The following DBNL variants were observed in gnomAD, a reference collection of about 807,000 sequenced individuals.
The protein encoded by DBNL is drebrin-like protein.
A neutral mutation model predicts 62.2 loss-of-function variants in DBNL; 35 were observed. The ratio of observed to expected loss-of-function variants is 0.56; its 90% CI spans 0.43 to 0.75. DBNL has a LOEUF of 0.75. DBNL is among the 30% of genes least tolerant of loss of function. The pLI is 0.00. For synonymous variants in DBNL, 197 were observed against 218.0 expected, an observed-to-expected ratio of 0.90 and a Z score of 0.85; for missense variants, 495 against 578.4, an observed-to-expected ratio of 0.86 and a Z score of 1.48.
intron 2 of DBNL, chr7:44,050,792 C>G (rs1023561586): frequency 6.5e-6 from 1 of 153,676 alleles, no homozygotes; most frequent in Non-Finnish European, 1.4e-5. Flanking sequence ...GGGTAGGCTT[C>G]GTCAGAGTGT....
chr7:44,048,346 C>A (rs1484464255), intron 1 of DBNL, among the ~76,000 whole-genome samples: 1 of 152,206 alleles, frequency 6.6e-6, no homozygotes, highest in Non-Finnish European at 1.5e-5. Context: ...CCAGGGAGTT[C>A]CCCCCAGCTC....
In DBNL at chr7:44,056,913, G is replaced by T. The variant is rs769127784; in HGVS notation, c.474+10G>T. ...ACCCCAGGCCCCAGTGGTGAGTGCT[G>T]CTTGCCCATCGCCAGCCCTTTTGTT... On this transcript the variant is annotated intron_variant, in intron 5 of 12. Transcript: ENST00000448521. The T allele has an allele frequency of 5.0e-6, 8 of 1,613,384 alleles. No individual in the cohort carries two copies. The highest frequency in any genetic ancestry group is 1.7e-4 in the Middle Eastern group (1 of 5,808).
At chr7:44,057,705 C>T (rs892572501) in intron 5 of DBNL, 77 bp from the exon 6 acceptor site, 87 of 1,543,280 alleles carry the variant, frequency 5.6e-5, no homozygotes, top group Non-Finnish European at 7.1e-5. Flanking sequence ...GCAAGTTTAG[C>T]GTATTCTCTC....
rs2096154899 is a variant in DBNL, at chr7:44,064,297, T to C, written c.*3381T>C. The C allele has an allele frequency of 1.6e-5, 3 of 183,564 alleles. No individual in the cohort carries two copies. The highest frequency in any genetic ancestry group is 1.6e-4 in the Admixed American group (3 of 18,546). 11.4% of individuals were successfully genotyped at this position (183,564 alleles called of 1,614,324 possible). The stretch of plus-strand genomic sequence containing the variant: ...CATAGTCCTGCACCCCTCTTTTGAT[T>C]GGTCTTTCCTTTGCCCAGAGAGGGG... On this transcript the variant is annotated 3_prime_UTR_variant, in exon 13 of 13. Transcript: ENST00000448521.
intron 1 of DBNL, chr7:44,049,904 G>A (rs1387122824): frequency 6.1e-5 from 18 of 296,366 alleles, no homozygotes. Flanking sequence ...TGAATGTATA[G>A]CAGTCATTGG....
In DBNL at chr7:44,065,471, T is replaced by G. The variant is rs1336837510; in HGVS notation, c.*4555T>G. 11 of 1,614,108 alleles carry G rather than the reference T, an allele frequency of 6.8e-6. No homozygotes were observed. The highest frequency in any genetic ancestry group is 9.3e-6 in the Non-Finnish European group (11 of 1,180,028). ...TGCATCGAACCAGCCACAGAAACGG[T>G]TCTCCTGGTTCCATGTGCTCTCGCC... On this transcript the variant is annotated 3_prime_UTR_variant, in exon 13 of 13. Transcript: ENST00000448521.
In DBNL at chr7:44,065,521, AGTGGCCAT is replaced by A. The variant is rs774862681; in HGVS notation, c.*4607_*4614del. On this transcript the variant is annotated 3_prime_UTR_variant, in exon 13 of 13. Coordinates refer to ENST00000448521, the MANE Select transcript of DBNL (RefSeq NM_001014436.3). ...CGTGCCGGACCATCACGAGGCGGTG[AGTGGCCAT>A]GGTGGCAGCAGGGACCACAGAGGAC... is the stretch of plus-strand genomic sequence containing the variant. 23 of 1,613,802 alleles carry A rather than the reference AGTGGCCAT, an allele frequency of 1.4e-5. No homozygotes were observed. The highest frequency in any genetic ancestry group is 1.9e-5 in the Non-Finnish European group (23 of 1,179,990).
Position 44,061,770 on chromosome 7 carries a change from G to C in DBNL, c.*854G>C, listed in dbSNP as rs1377856759. ...GCTCTCACCTGTCCTGCTGTAGCCT[G>C]AATGCTCCCATGTGGGAATAGCACC... On this transcript the variant is annotated 3_prime_UTR_variant, in exon 13 of 13. Transcript: ENST00000448521. The C allele has an allele frequency of 1.3e-5, 2 of 152,388 alleles. No homozygotes were observed. The highest frequency in any genetic ancestry group is 2.9e-5 in the Non-Finnish European group (2 of 68,172). The allele number at this position is 152,388 out of a possible 1,614,324, so 9.4% of individuals were successfully genotyped here. A position where few individuals can be genotyped will look rare whatever the true frequency, so the allele number is the denominator to read the frequency against.
In DBNL at chr7:44,065,346, G is replaced by A. The variant is rs922606034; in HGVS notation, c.*4430G>A. ...ATGGCCCAGAGGGTGCGGATGGCCCGCTTCAGCACTGACGTGTAGCAGATG... is the reference window on the plus strand; with the variant it reads ...ATGGCCCAGAGGGTGCGGATGGCCCACTTCAGCACTGACGTGTAGCAGATG... On this transcript the variant is annotated 3_prime_UTR_variant, in exon 13 of 13. Coordinates refer to ENST00000448521, the MANE Select transcript of DBNL (RefSeq NM_001014436.3). 7.4e-6 allele frequency: 12 copies of A among 1,613,736 alleles called. No homozygotes were observed. The highest frequency in any genetic ancestry group is 1.7e-5 in the Admixed American group (1 of 60,026).
chr7:44,049,937 C>T (rs2096123639), intron 1 of DBNL: 1 of 361,666 alleles, frequency 2.8e-6, no homozygotes, highest in Non-Finnish European at 5.3e-6. Context: ...CTCATGTTTT[C>T]CTCATAGTAG....
intron 6 of DBNL, 84 bp downstream of exon 6, chr7:44,057,943 A>C: frequency 1.2e-5 from 19 of 1,585,362 alleles, no homozygotes; most frequent in Non-Finnish European, 1.6e-5. Flanking sequence ...GAGCTCATGC[A>C]GCATCCACTC....
chr7:44,066,165 C>T lies in DBNL; in HGVS notation c.*5249C>T, dbSNP rs781142769. 8.2e-5 allele frequency: 14 copies of T among 170,450 alleles called. No individual in the cohort carries two copies. The highest frequency in any genetic ancestry group is 1.6e-4 in the Admixed American group (3 of 18,518). 10.6% of individuals were successfully genotyped at this position (170,450 alleles called of 1,614,324 possible). A position where few individuals can be genotyped will look rare whatever the true frequency, so the allele number is the denominator to read the frequency against. ...GGGGAAAGGGCCCCTGTCTTTCCTC[C>T]GGGGTCCCTTTGTCAAGGTCTCATC... On this transcript the variant is annotated 3_prime_UTR_variant, in exon 13 of 13. Coordinates refer to ENST00000448521, the MANE Select transcript of DBNL (RefSeq NM_001014436.3).
chr7:44,065,023 C>G lies in DBNL; in HGVS notation c.*4107C>G. 1.2e-6 allele frequency: 2 copies of G among 1,606,680 alleles called. No individual in the cohort carries two copies. Among genetic ancestry groups the G allele is most frequent in the Non-Finnish European group, 1.7e-6 (2 of 1,179,540 alleles). On this transcript the variant is annotated 3_prime_UTR_variant, in exon 13 of 13. Coordinates refer to ENST00000448521, the MANE Select transcript of DBNL (RefSeq NM_001014436.3). The stretch of plus-strand genomic sequence containing the variant: ...TGCGTACCGACGCTCCTGGGGGACA[C>G]AGGCACGCTGCTTTCCCTCCCAAGC...
rs1186778726 is a variant in DBNL at position 44,063,906 on chromosome 7, GCAGGTGGTC to G, written c.*2992_*3000del. On this transcript the variant is annotated 3_prime_UTR_variant, in exon 13 of 13. Transcript: ENST00000448521. ...ATGAAGTCTCCGGAAGGGAGAGGAGGCAGGTGGTCCTTCCCTCTGCCTGGCCCCAGTGCC... is the reference window on the plus strand; with the variant it reads ...ATGAAGTCTCCGGAAGGGAGAGGAGGCTTCCCTCTGCCTGGCCCCAGTGCC... The G allele has an allele frequency of 6.6e-6, 1 of 152,372 alleles. No homozygotes were observed. Among genetic ancestry groups the G allele is most frequent in the East Asian group, 1.9e-4 (1 of 5,192 alleles). 9.4% of individuals were successfully genotyped at this position (152,372 alleles called of 1,614,324 possible).
At position 44,059,696 on chromosome 7, in the gene DBNL, T is replaced by A; in HGVS notation, c.1047+38T>A. On this transcript the variant is annotated intron_variant, in intron 11 of 12. Coordinates refer to ENST00000448521, the MANE Select transcript of DBNL (RefSeq NM_001014436.3). This position sits in a 1 kb window ranked among gnomAD's most constrained non-coding sequence, Gnocchi z 4.1. ...ACTGGGGCTGGGGCCAGGAAGGGGCTGCATACTCAGGAACACTTATCACGG... is the reference window on the plus strand; with the variant it reads ...ACTGGGGCTGGGGCCAGGAAGGGGCAGCATACTCAGGAACACTTATCACGG... 1 of 1,547,430 alleles carries A rather than the reference T, an allele frequency of 6.5e-7. No homozygotes were observed. Among genetic ancestry groups the A allele is most frequent in the Non-Finnish European group, 8.7e-7 (1 of 1,149,672 alleles).
chr7:44,059,462 T>TCAC lies in DBNL; in HGVS notation c.931+15_931+17dup. 6.2e-7 allele frequency: 1 copy of TCAC among 1,613,872 alleles called. No homozygotes were observed. ...AGGCCCAGGGCAGGCAAGGCGCTTGTCACCCCATGGGGACCCTGGGGGACA... is the reference window on the plus strand; with the variant it reads ...AGGCCCAGGGCAGGCAAGGCGCTTGTCACCACCCCATGGGGACCCTGGGGGACA... On this transcript the variant is annotated intron_variant, in intron 10 of 12. Transcript: ENST00000448521. The surrounding 1 kb of genome is among the most constrained non-coding windows in gnomAD (Gnocchi z 4.1).
Position 44,050,238 on chromosome 7 carries a change from T to C in DBNL, c.97T>C (p.Tyr33His). ...KSPTDWALFT[Y>H]EGNSNDIRVA... ...GTTTCGTTTCAGGGCTCTCTTTACC[T>C]ATGAAGGCAACAGCAATGACATCCG... Residue 33 changes from tyrosine to histidine, a missense_variant, in exon 2 of 13, where the codon TAT (tyrosine) becomes CAT (histidine). Coordinates refer to ENST00000448521, the MANE Select transcript of DBNL (RefSeq NM_001014436.3). 6.2e-7 allele frequency: 1 copy of C among 1,613,724 alleles called. No homozygotes were observed. The highest frequency in any genetic ancestry group is 8.5e-7 in the Non-Finnish European group (1 of 1,179,698).
rs150235677 is a variant in DBNL, at chr7:44,064,926, C to G, written c.*4010C>G. ...TGATCTGGGGAACAATCTCCTCGTT[C>G]CAGAAGGGCAGGGCCCGGGCAATGG... On this transcript the variant is annotated 3_prime_UTR_variant, in exon 13 of 13. Transcript: ENST00000448521. 5 of 1,610,936 alleles carry G rather than the reference C, an allele frequency of 3.1e-6. No individual in the cohort carries two copies. Among genetic ancestry groups the G allele is most frequent in the Non-Finnish European group, 4.2e-6 (5 of 1,179,724 alleles).
rs753385432 is a variant in DBNL at position 44,065,196 on chromosome 7, C to T, written c.*4280C>T. 4.1e-5 allele frequency: 66 copies of T among 1,614,000 alleles called. No homozygotes were observed. Among genetic ancestry groups the T allele is most frequent in the Non-Finnish European group, 5.3e-5 (63 of 1,180,056 alleles). ...TCGAAGGAGCGCCTCCAGATCTTCA[C>T]CTGCTCCTCCCCGTGCTTGGCGGCC... On this transcript the variant is annotated 3_prime_UTR_variant, in exon 13 of 13. Transcript: ENST00000448521.
Sources: gnomAD v4.1 joint callset for allele counts (sites outside exome capture counted in the v4.1 genomes callset) on GRCh38, gnomAD v4.1.1 for gene constraint, Gnocchi (gnomAD v3.1) non-coding constraint, MANE v1.5 for transcripts, NCBI Gene and HGNC (gene_info 2026-07-23, HGNC 2026-07-21) for gene names.